SLC47A2: variants seen among roughly 807,000 people sequenced by gnomAD.
SLC47A2 encodes the protein multidrug and toxin extrusion protein 2.
SLC47A2 carries 52 observed loss-of-function variants against 67.7 expected under a neutral mutation model. The ratio of observed to expected loss-of-function variants is 0.77; its 90% CI spans 0.61 to 0.97. The LOEUF (loss-of-function observed/expected upper bound fraction) is 0.97. Ranked by LOEUF, SLC47A2 falls within the 50% of genes least tolerant of loss-of-function variation. The pLI is 0.00. For missense variants in SLC47A2, 676 were observed against 712.3 expected, an observed-to-expected ratio of 0.95 and a Z score of 0.58; for synonymous variants, 278 against 292.9, an observed-to-expected ratio of 0.95 and a Z score of 0.52.
chr17:19,680,874 T>C (rs1184192867), intron 15 of SLC47A2, among the ~76,000 whole-genome samples: 1 of 152,198 alleles, frequency 6.6e-6, no homozygotes, highest in Non-Finnish European at 1.5e-5. Context: ...CTTCTTATAC[T>C]GGCCAATTAC....
intron 13 of SLC47A2, chr17:19,702,349 A>C: frequency 1.0e-6 from 1 of 985,454 alleles, no homozygotes; most frequent in Non-Finnish European, 1.2e-6. Flanking sequence ...TTGTGGCTTT[A>C]CACTGCTGCA....
intron 13 of SLC47A2, among the ~76,000 whole-genome samples, chr17:19,699,365 C>G (rs946396374): frequency 2.0e-5 from 3 of 152,068 alleles, no homozygotes; most frequent in African/African-American, 7.2e-5. Flanking sequence ...TACACCGTGA[C>G]TTTTTAAAAT....
chr17:19,714,748 A>C lies in SLC47A2; in HGVS notation c.267T>G (p.Ser89=), dbSNP rs776750288. The C allele has an allele frequency of 6.2e-7, 1 of 1,614,134 alleles. No homozygotes were observed. The highest frequency in any genetic ancestry group is 2.2e-5 in the East Asian group (1 of 44,890). The change falls in exon 3 of 17, where the codon TCT becomes TCG. Residue 89 remains serine (S), a synonymous_variant. Transcript: ENST00000433844. ...VCGVSVGVGL[S]SACDTLMSQS... is the part of the protein sequence containing the mutation. Reference sequence around the variant, plus strand: ...GAGACATCAAGGTGTCACATGCCGAAGACAAACCAACTCCTACAGAAACTC... The same window carrying C: ...GAGACATCAAGGTGTCACATGCCGACGACAAACCAACTCCTACAGAAACTC...
At chr17:19,691,122 TAA>T (rs376243860) in intron 13 of SLC47A2, among the ~76,000 whole-genome samples, 12 of 136,394 alleles carry the variant, frequency 8.8e-5, no homozygotes, top group Admixed American at 1.5e-4. Flanking sequence ...AAACTCCGTC[TAA>T]AAAAAAAAAA....
chr17:19,704,645 A>C (rs1182779449), intron 10 of SLC47A2: 3 of 1,546,960 alleles, frequency 1.9e-6, no homozygotes, highest in Non-Finnish European at 1.7e-6. Flanking sequence ...TAACATGCAG[A>C]TGCGTACCCG....
Position 19,678,321 on chromosome 17 carries a change from G to A in SLC47A2, c.*365C>T. ...AGACTTGAGCAGCAGGCTGTGCCCA[G>A]GAAATGTGTAATCTTTAATATAACA... On this transcript the variant is annotated 3_prime_UTR_variant, in exon 17 of 17. Coordinates refer to ENST00000433844, the MANE Select transcript of SLC47A2 (RefSeq NM_001099646.3). 4.4e-6 allele frequency: 1 copy of A among 228,236 alleles called. No individual in the cohort carries two copies. The highest frequency in any genetic ancestry group is 2.2e-5 in the African/African-American group (1 of 45,016). 14.1% of individuals were successfully genotyped at this position (228,236 alleles called of 1,614,324 possible).
In SLC47A2 at chr17:19,702,051, G is replaced by A. The variant is rs889184841; in HGVS notation, c.1164+554C>T. On this transcript the variant is annotated intron_variant, in intron 13 of 16. Coordinates refer to ENST00000433844, the MANE Select transcript of SLC47A2 (RefSeq NM_001099646.3). Reference sequence around the variant, plus strand: ...TTGAGCTCAGGAGGTTGAGGCTGCAGTGAGCCATGATCGCACTGCTGCACT... The same window carrying A: ...TTGAGCTCAGGAGGTTGAGGCTGCAATGAGCCATGATCGCACTGCTGCACT... 4.7e-6 allele frequency: 4 copies of A among 854,614 alleles called. No homozygotes were observed. The Admixed American group carries it at 2.5e-4, about 53-fold the overall frequency. The allele number at this position is 854,614 out of a possible 1,614,324, so 52.9% of individuals were successfully genotyped here.
At chr17:19,680,064 G>T (rs750522168) in intron 15 of SLC47A2, 25 bp from the exon 16 acceptor site, 1 of 1,609,048 alleles carries the variant, frequency 6.2e-7, no homozygotes, top group Non-Finnish European at 8.5e-7. Flanking sequence ...ACTCAATTGG[G>T]TCAACCTGCC....
At position 19,707,841 on chromosome 17, in the gene SLC47A2, C is replaced by A. The variant is rs562968062; in HGVS notation, c.632G>T (p.Gly211Val). 1.8e-4 allele frequency: 283 copies of A among 1,591,188 alleles called. 2 individuals are homozygous for A. In the East Asian group the frequency reaches 6.4e-3, roughly 36 times the overall value. The change falls in exon 8 of 17, where the codon GGC (glycine) becomes GTC (valine). Residue 211 changes from glycine (G) to valine (V), a missense_variant and splice_region_variant. Gly to Val is a moderately radical substitution (Grantham distance 109). Transcript: ENST00000433844. ...LVSVLNLGVR[G>V]SAYANIISQF... ...GGAGATGATGTTGGCATAGGCGGAGCCCCTGGGTAAGGAGGGAGAACAGGG... is the reference window on the plus strand; with the variant it reads ...GGAGATGATGTTGGCATAGGCGGAGACCCTGGGTAAGGAGGGAGAACAGGG...
chr17:19,703,742 G>T (rs1230340463), intron 11 of SLC47A2, among the ~76,000 whole-genome samples: 1 of 152,222 alleles, frequency 6.6e-6, no homozygotes, highest in Non-Finnish European at 1.5e-5. Context: ...GTGCTGGGCA[G>T]GAAGGGCCGT....
chr17:19,697,088 G>C (rs897264888), intron 13 of SLC47A2, among the ~76,000 whole-genome samples: 1 of 152,080 alleles, frequency 6.6e-6, no homozygotes, highest in African/African-American at 2.4e-5. Context: ...TCAGGAGTTC[G>C]AGACCATCCT....
rs992646186 is a variant in SLC47A2 at position 19,716,076 on chromosome 17, G to T, written c.123+357C>A. 2.6e-5 allele frequency: 6 copies of T among 226,982 alleles called. No homozygotes were observed. In the Admixed American group the frequency reaches 3.2e-4, roughly 12 times the overall value. The allele number at this position is 226,982 out of a possible 1,614,324, so 14.1% of individuals were successfully genotyped here. On this transcript the variant is annotated intron_variant, in intron 1 of 16. Transcript: ENST00000433844. ...TTCCCCTTTGGAAATGAAATGGGTA[G>T]CCGGCCCCTTCTTCCCCCTGCGAAG...
Position 19,702,642 on chromosome 17 carries a change from G to A in SLC47A2, c.1127C>T (p.Pro376Leu), listed in dbSNP as rs774014631. ...AAACACGTGAAAGACACTATAAACCGGCAAGACCTGGCTCACCAGGGCAAT... is the reference window on the plus strand; with the variant it reads ...AAACACGTGAAAGACACTATAAACCAGCAAGACCTGGCTCACCAGGGCAAT... ...DVIALVSQVL[P>L]VYSVFHVFEA... The change falls in exon 13 of 17, where the codon CCG (proline) becomes CTG (leucine). Residue 376 changes from proline (P) to leucine (L), a missense_variant. Physicochemically the swap from Pro to Leu is moderately conservative, Grantham distance 98 (BLOSUM62 -3). Coordinates refer to ENST00000433844, the MANE Select transcript of SLC47A2 (RefSeq NM_001099646.3). 44 of 1,613,776 alleles carry A rather than the reference G, an allele frequency of 2.7e-5. No individual in the cohort carries two copies. Among genetic ancestry groups the A allele is most frequent in the African/African-American group, 4.0e-5 (3 of 74,874 alleles).
chr17:19,705,655 A>G (rs1204997949), intron 9 of SLC47A2, 152 bp from the exon 10 acceptor site: 3 of 676,072 alleles, frequency 4.4e-6, no homozygotes, highest in Non-Finnish European at 7.0e-6. Context: ...GCTGGAGTGC[A>G]GTGGCGCAAT....
At chr17:19,689,572 C>G (rs912975635) in intron 13 of SLC47A2, among the ~76,000 whole-genome samples, 1 of 151,792 alleles carries the variant, frequency 6.6e-6, no homozygotes, top group Admixed American at 6.6e-5. Flanking sequence ...TGACATGCAC[C>G]CATGGTCCCA....
rs397960037 is a variant in SLC47A2 at position 19,696,295 on chromosome 17, C to CAAA, written c.1164+6307_1164+6309dup. ...GTGAAACCCCATTTCTACTAAAATA[C>CAAA]AAAAAAAAAAAAAAAAATTAGCCAG... On this transcript the variant is annotated intron_variant, in intron 13 of 16. Coordinates refer to ENST00000433844, the MANE Select transcript of SLC47A2 (RefSeq NM_001099646.3). 6.0e-3 allele frequency among the ~76,000 whole-genome samples: 703 copies of CAAA among 116,384 alleles called. 3 individuals are homozygous for CAAA. The highest frequency in any genetic ancestry group is 0.043 in the East Asian group (180 of 4,186). 76.4% of individuals were successfully genotyped at this position (116,384 alleles called of 152,430 possible).
At chr17:19,700,594 C>G (rs2085759930) in intron 13 of SLC47A2, among the ~76,000 whole-genome samples, 1 of 152,092 alleles carries the variant, frequency 6.6e-6, no homozygotes. Context: ...GATTCCATCT[C>G]TACAAAACTT....
chr17:19,681,325 G>T, intron 15 of SLC47A2, 42 bp downstream of exon 15: 1 of 1,516,370 alleles, frequency 6.6e-7, no homozygotes, highest in Non-Finnish European at 8.9e-7. Flanking sequence ...GCTGGGGTCA[G>T]GTGCAGGGTG....
At chr17:19,681,307 C>T in intron 15 of SLC47A2, 60 bp downstream of exon 15, 1 of 1,418,024 alleles carries the variant, frequency 7.1e-7, no homozygotes, top group Non-Finnish European at 9.6e-7. Context: ...TGAGTAGTCA[C>T]TCCACCTGCT....
Sources: allele counts gnomAD v4.1 joint callset (sites outside exome capture counted in the v4.1 genomes callset), GRCh38; gene constraint gnomAD v4.1.1; transcripts MANE v1.5; gene names NCBI Gene and HGNC (gene_info 2026-07-23, HGNC 2026-07-21).